Variants in DYNC1H1 observed in about 807,000 individuals in gnomAD.
DYNC1H1 encodes cytoplasmic dynein 1 heavy chain 1.
Under a neutral mutation model 527.1 loss-of-function variants are expected in DYNC1H1, and 51 were observed. The observed-to-expected ratio is 0.10, with a 90% CI of 0.08 to 0.12. The LOEUF is 0.12. Among genes scored for constraint, DYNC1H1 ranks in the 10% least tolerant of loss-of-function variants. The pLI is 1.00. For missense variants in DYNC1H1, 2,771 were observed against 5,971.8 expected (o/e 0.46, Z 17.66); for synonymous variants, 2,189 against 2,278.8 (o/e 0.96, Z 1.12).
chr14:101,986,254 G>C lies in DYNC1H1; in HGVS notation c.2029G>C (p.Val677Leu). Residue 677 changes from valine (V) to leucine (L), a missense_variant, in exon 8 of 78, where the codon GTG (valine) becomes CTG (leucine). Val to Leu is a conservative substitution (Grantham distance 32, BLOSUM62 1). This residue lies in a region of DYNC1H1 where 264 missense variants were observed against 619.4 expected (regional missense o/e 0.43). Coordinates refer to ENST00000360184, the MANE Select transcript of DYNC1H1 (RefSeq NM_001376.5). The surrounding 1 kb of genome is among the most constrained non-coding windows in gnomAD (Gnocchi z 8.7). ...CCTTGGCAAGGGCTGGGAGAATCAC[G>C]TGGAGGGGCAGAAGCTGAAGCAGGA... Reference protein sequence around the residue: ...DVLGKGWENHVEGQKLKQDGD... With the variant: ...DVLGKGWENHLEGQKLKQDGD... 6.2e-7 allele frequency: 1 copy of C among 1,614,054 alleles called. No individual in the cohort carries two copies. The highest frequency in any genetic ancestry group is 8.5e-7 in the Non-Finnish European group (1 of 1,179,988).
intron 52 of DYNC1H1, 102 bp from the exon 53 acceptor site, chr14:102,032,963 A>G (rs2048527413): frequency 5.8e-6 from 7 of 1,211,074 alleles, no homozygotes; most frequent in Non-Finnish European, 8.6e-6. Context: ...CACTGGGGCA[A>G]TGAGATGGGA....
intron 72 of DYNC1H1, among the ~76,000 whole-genome samples, chr14:102,046,555 G>A (rs953117157): frequency 3.3e-5 from 5 of 152,174 alleles, no homozygotes; most frequent in Non-Finnish European, 7.4e-5. Flanking sequence ...CACACTGCAG[G>A]CACCACAAGG....
chr14:102,020,164 G>T lies in DYNC1H1; in HGVS notation c.8507+108G>T, dbSNP rs2048368900. The stretch of plus-strand genomic sequence containing the variant: ...GGTGGTCTGCCTAAGTTAGAGCCAG[G>T]TGGTGCCAGTGGTGGAAGGAGCAGA... On this transcript the variant is annotated intron_variant, in intron 42 of 77. Coordinates refer to ENST00000360184, the MANE Select transcript of DYNC1H1 (RefSeq NM_001376.5). The surrounding 1 kb of genome is among the most constrained non-coding windows in gnomAD (Gnocchi z 4.3). 7.0e-7 allele frequency: 1 copy of T among 1,435,382 alleles called. No homozygotes were observed. The allele number at this position is 1,435,382 out of a possible 1,614,324, so 88.9% of individuals were successfully genotyped here.
chr14:102,044,460 C>T lies in DYNC1H1; in HGVS notation c.12871C>T (p.His4291Tyr). ...EFKLACKVDG[H>Y]KDIQMPDGIR... ...TAAGCTGGCATGCAAGGTCGACGGA[C>T]ATAAAGACATTCAAATGCCAGATGG... Residue 4291 changes from histidine (H) to tyrosine (Y), a missense_variant, in exon 71 of 78, where the codon CAT (histidine) becomes TAT (tyrosine). Coordinates refer to ENST00000360184, the MANE Select transcript of DYNC1H1 (RefSeq NM_001376.5). The surrounding 1 kb of genome is among the most constrained non-coding windows in gnomAD (Gnocchi z 7.1). 1 of 1,614,200 alleles carries T rather than the reference C, an allele frequency of 6.2e-7. No individual in the cohort carries two copies. Among genetic ancestry groups the T allele is most frequent in the Non-Finnish European group, 8.5e-7 (1 of 1,180,040 alleles).
intron 43 of DYNC1H1, among the ~76,000 whole-genome samples, chr14:102,025,780 G>A (rs1280978768): frequency 6.6e-6 from 1 of 152,050 alleles, no homozygotes; most frequent in Non-Finnish European, 1.5e-5. Flanking sequence ...TGTTCTCTGT[G>A]CTAAAACCAC....
In DYNC1H1 at chr14:102,001,384, C is replaced by T. The variant is rs113464933; in HGVS notation, c.4395+30C>T. 37 of 1,613,564 alleles carry T rather than the reference C, an allele frequency of 2.3e-5. 1 individual carries two copies. In the East Asian group the frequency reaches 5.4e-4, roughly 23 times the overall value. ...GTAATAGGACTGAACGGCTGCTTTA[C>T]GTTGTGTTTCGGGCTGTTACATAGA... On this transcript the variant is annotated intron_variant, in intron 20 of 77. Transcript: ENST00000360184. This position sits in a 1 kb window ranked among gnomAD's most constrained non-coding sequence, Gnocchi z 5.0.
intron 1 of DYNC1H1, among the ~76,000 whole-genome samples, chr14:101,972,320 C>T (rs1452626831): frequency 6.6e-6 from 1 of 152,064 alleles, no homozygotes; most frequent in Non-Finnish European, 1.5e-5. Context: ...GTCAGACATA[C>T]TCAACTGTGT....
At chr14:101,972,408 C>T (rs1172013270) in intron 1 of DYNC1H1, among the ~76,000 whole-genome samples, 1 of 152,158 alleles carries the variant, frequency 6.6e-6, no homozygotes, top group African/African-American at 2.4e-5. Context: ...GTAGTGACTT[C>T]CATAAGTTAT....
chr14:102,008,128 A>C lies in DYNC1H1; in HGVS notation c.5818-50A>C, dbSNP rs1234285120. On this transcript the variant is annotated intron_variant, in intron 28 of 77. Coordinates refer to ENST00000360184, the MANE Select transcript of DYNC1H1 (RefSeq NM_001376.5). The stretch of plus-strand genomic sequence containing the variant: ...TTTGTGGCAAGGGAGAGGGGAGACA[A>C]TTGAGGGCACAGCAGGTGGTTTTAG... 4 of 1,610,376 alleles carry C rather than the reference A, an allele frequency of 2.5e-6. No homozygotes were observed. In the South Asian group the frequency reaches 3.3e-5, roughly 13 times the overall value.
At position 101,983,098 on chromosome 14, in the gene DYNC1H1, C is replaced by G. The variant is rs745838810; in HGVS notation, c.1041C>G (p.Ala347=). Residue 347 remains alanine (A), a synonymous_variant, in exon 6 of 78, where the codon GCC becomes GCG. Transcript: ENST00000360184. This position sits in a 1 kb window ranked among gnomAD's most constrained non-coding sequence, Gnocchi z 5.3. ...KDFPLNDLLS[A]TELDKIRQAL... ...TCCCTCTGAATGATTTGCTGTCTGC[C>G]ACGGAGCTGGACAAAATAAGACAGG... 3 of 1,614,158 alleles carry G rather than the reference C, an allele frequency of 1.9e-6. No homozygotes were observed. In the South Asian group the frequency reaches 3.3e-5, roughly 18 times the overall value.
Position 102,011,636 on chromosome 14 carries a change from C to T in DYNC1H1, c.6619-239C>T, listed in dbSNP as rs1393224572. The T allele has an allele frequency of 3.7e-6, 2 of 538,352 alleles. No individual in the cohort carries two copies. The highest frequency in any genetic ancestry group is 6.7e-6 in the Non-Finnish European group (2 of 299,308). 33.3% of individuals were successfully genotyped at this position (538,352 alleles called of 1,614,324 possible). The stretch of plus-strand genomic sequence containing the variant: ...ATCCATAGATAGGCGCTTGTAAAGC[C>T]AGCTACTTGGGAGAGTGAGGAAGGA... On this transcript the variant is annotated intron_variant, in intron 32 of 77. Coordinates refer to ENST00000360184, the MANE Select transcript of DYNC1H1 (RefSeq NM_001376.5). The surrounding 1 kb of genome is among the most constrained non-coding windows in gnomAD (Gnocchi z 5.3).
At chr14:101,998,643 C>G (rs1423551629) in intron 16 of DYNC1H1, among the ~76,000 whole-genome samples, 1 of 152,110 alleles carries the variant, frequency 6.6e-6, no homozygotes, top group Admixed American at 6.5e-5. Context: ...GGTTAATTGT[C>G]CCATCCTGCC....
In DYNC1H1 at chr14:101,979,151, C is replaced by G. The variant is rs2047834451; in HGVS notation, c.345-168C>G. ...GCCTGGTTTCATGTTTGTTCACATT[C>G]TGTAACCATAACCTTGATTCAGTAG... On this transcript the variant is annotated intron_variant, in intron 2 of 77. Coordinates refer to ENST00000360184, the MANE Select transcript of DYNC1H1 (RefSeq NM_001376.5). The surrounding 1 kb of genome is among the most constrained non-coding windows in gnomAD (Gnocchi z 4.6). Among the ~76,000 whole-genome samples, 1 of 152,182 alleles carries G rather than the reference C, an allele frequency of 6.6e-6. No homozygotes were observed. Among genetic ancestry groups the G allele is most frequent in the South Asian group, 2.1e-4 (1 of 4,836 alleles).
intron 1 of DYNC1H1, among the ~76,000 whole-genome samples, chr14:101,967,682 A>G (rs1163415187): frequency 6.6e-6 from 1 of 152,136 alleles, no homozygotes; most frequent in Non-Finnish European, 1.5e-5. Context: ...TCTACAGAAA[A>G]TTAAAAAATA....
In DYNC1H1 at chr14:102,005,111, G is replaced by C; in HGVS notation, c.5308G>C (p.Gly1770Arg). The change falls in exon 26 of 78, where the codon GGC becomes CGC. Residue 1770 changes from glycine to arginine, a missense_variant. Coordinates refer to ENST00000360184, the MANE Select transcript of DYNC1H1 (RefSeq NM_001376.5). The surrounding 1 kb of genome is among the most constrained non-coding windows in gnomAD (Gnocchi z 4.0). ...ENVETALSSM[G>R]GGGDAAPLHS... ...CGTGGAGACCGCACTGAGCAGCATGGGCGGAGGTGGAGATGCCGCGCCCTT... is the reference window on the plus strand; with the variant it reads ...CGTGGAGACCGCACTGAGCAGCATGCGCGGAGGTGGAGATGCCGCGCCCTT... The C allele has an allele frequency of 6.2e-7, 1 of 1,614,168 alleles. No homozygotes were observed.
Position 102,008,331 on chromosome 14 carries a change from G to T in DYNC1H1, c.5971G>T (p.Asp1991Tyr). ...ALREHSNPNY[D>Y]KTSAPITCEL... The stretch of plus-strand genomic sequence containing the variant: ...GCGTGAACATTCCAACCCCAACTAC[G>T]ACAAGAGTAAGACACCTCTTCTTCA... Residue 1991 changes from aspartate to tyrosine, a missense_variant, in exon 29 of 78, where the codon GAC becomes TAC. This residue lies in a region of DYNC1H1 where 39 missense variants were observed against 38.8 expected (regional missense o/e 1.00). Coordinates refer to ENST00000360184, the MANE Select transcript of DYNC1H1 (RefSeq NM_001376.5). 6.2e-7 allele frequency: 1 copy of T among 1,614,082 alleles called. No individual in the cohort carries two copies. Among genetic ancestry groups the T allele is most frequent in the South Asian group, 1.1e-5 (1 of 91,052 alleles).
In DYNC1H1 at chr14:102,029,505, TGAAGAGTGA is replaced by T; in HGVS notation, c.9469-28_9469-20del. 1 of 1,613,910 alleles carries T rather than the reference TGAAGAGTGA, an allele frequency of 6.2e-7. No homozygotes were observed. The highest frequency in any genetic ancestry group is 1.1e-5 in the South Asian group (1 of 91,040). ...TCTGAGGTTAAGTCACAGAGTTTCCTGAAGAGTGAGAAGATGTAACTATTTTCTGAAAGG... is the reference window on the plus strand; with the variant it reads ...TCTGAGGTTAAGTCACAGAGTTTCCTGAAGATGTAACTATTTTCTGAAAGG... On this transcript the variant is annotated intron_variant, in intron 48 of 77. Coordinates refer to ENST00000360184, the MANE Select transcript of DYNC1H1 (RefSeq NM_001376.5). This position sits in a 1 kb window ranked among gnomAD's most constrained non-coding sequence, Gnocchi z 5.3.
chr14:101,994,669 G>T lies in DYNC1H1; in HGVS notation c.3157-4G>T. The T allele has an allele frequency of 1.2e-6, 2 of 1,614,062 alleles. No homozygotes were observed. The highest frequency in any genetic ancestry group is 1.6e-4 in the Middle Eastern group (1 of 6,062). ...TATTATTTAACTGTGTTCTTCATTT[G>T]CAGGTTTGGCTTCAGTATCAGTGTT... On this transcript the variant is annotated splice_polypyrimidine_tract_variant and splice_region_variant and intron_variant, in intron 12 of 77. Transcript: ENST00000360184.
In DYNC1H1 at chr14:102,009,850, C is replaced by T. The variant is rs140841480; in HGVS notation, c.5985C>T (p.Ala1995=). ...CTATCATCTCATTCTCAGCCTCTGC[C>T]CCCATTACTTGTGAGCTGCTGAACA... The part of the protein sequence containing the change: ...HSNPNYDKTS[A]PITCELLNKQ... Residue 1995 remains alanine (A), a synonymous_variant, in exon 30 of 78, where the codon GCC becomes GCT. Transcript: ENST00000360184. 6.4e-4 allele frequency: 1,038 copies of T among 1,613,936 alleles called. No homozygotes were observed. The highest frequency in any genetic ancestry group is 8.5e-4 in the Admixed American group (51 of 59,984).
Sources: gnomAD v4.1 joint callset for allele counts (sites outside exome capture counted in the v4.1 genomes callset) on GRCh38, gnomAD v4.1.1 for gene constraint, gnomAD v4.1.1 regional missense constraint, Gnocchi (gnomAD v3.1) non-coding constraint, MANE v1.5 for transcripts, NCBI Gene and HGNC (gene_info 2026-07-23, HGNC 2026-07-21) for gene names.